The following ZNF548 variants were observed in gnomAD, a reference collection of about 807,000 sequenced individuals.
The protein encoded by ZNF548 is zinc finger protein 548.
ZNF548 carries 10 observed loss-of-function variants against 10.2 expected under a neutral mutation model. That is an observed-to-expected ratio of 0.98 (90% CI 0.60 to 1.66). The LOEUF (loss-of-function observed/expected upper bound fraction) is 1.66. ZNF548 is among the 40% of genes most tolerant of loss of function. The pLI, the probability that ZNF548 is intolerant of heterozygous loss-of-function variation, is 0.00. For synonymous variants in ZNF548, 217 were observed against 223.5 expected (o/e 0.97, Z 0.26); for missense variants, 599 against 657.0 (o/e 0.91, Z 0.97).
chr19:57,399,024 T>C lies in ZNF548; in HGVS notation c.773T>C (p.Val258Ala), dbSNP rs2088690270. The C allele has an allele frequency of 6.2e-7, 1 of 1,614,164 alleles. No individual in the cohort carries two copies. Among genetic ancestry groups the C allele is most frequent in the Middle Eastern group, 1.6e-4 (1 of 6,062 alleles). ...YSANFMKHQTVHTSERTYECR... is the reference protein window; with the variant it reads ...YSANFMKHQTAHTSERTYECR... ...GCCAATTTCATGAAACATCAGACAG[T>C]TCACACTAGTGAAAGGACTTATGAG... Residue 258 changes from valine to alanine, a missense_variant, in exon 4 of 4, where the codon GTT becomes GCT. Coordinates refer to ENST00000336128, the MANE Select transcript of ZNF548 (RefSeq NM_001172773.2). The surrounding 1 kb of genome is among the most constrained non-coding windows in gnomAD (Gnocchi z 4.0).
rs2088721673 is a variant in ZNF548, at chr19:57,402,060, A to G, written c.*2171A>G. ...TGTGCCTGGCTACATTTAGATCTTT[A>G]ATCTACTTGGGGTTCATTTTTGCAT... On this transcript the variant is annotated 3_prime_UTR_variant, in exon 4 of 4. Transcript: ENST00000336128. 6.6e-6 allele frequency: 1 copy of G among 152,080 alleles called. No homozygotes were observed. 9.4% of individuals were successfully genotyped at this position (152,080 alleles called of 1,614,324 possible).
At chr19:57,394,559 A>G (rs2088651965) in intron 2 of ZNF548, among the ~76,000 whole-genome samples, 1 of 152,182 alleles carries the variant, frequency 6.6e-6, no homozygotes, top group Non-Finnish European at 1.5e-5. Flanking sequence ...AGGCACACAA[A>G]CATCAGGCCT....
At chr19:57,396,606 A>G (rs2088666794) in intron 2 of ZNF548, among the ~76,000 whole-genome samples, 2 of 152,208 alleles carry the variant, frequency 1.3e-5, no homozygotes, top group South Asian at 4.1e-4. Flanking sequence ...GAAAGAAGAT[A>G]TTTATTCCTT....
chr19:57,390,388 G>A, intron 1 of ZNF548: 1 of 390,958 alleles, frequency 2.6e-6, no homozygotes, highest in Non-Finnish European at 4.6e-6. Context: ...GCTTGGAATG[G>A]CAACCTGAGC....
intron 1 of ZNF548, among the ~76,000 whole-genome samples, chr19:57,391,999 A>T (rs1275773520): frequency 6.7e-6 from 1 of 148,720 alleles, no homozygotes. Context: ...GGGTTTCACC[A>T]TGTTGGCCAG....
chr19:57,395,486 C>T lies in ZNF548; in HGVS notation c.51+1263C>T, dbSNP rs2088658411. 6.6e-6 allele frequency among the ~76,000 whole-genome samples: 1 copy of T among 152,070 alleles called. No individual in the cohort carries two copies. The highest frequency in any genetic ancestry group is 1.5e-5 in the Non-Finnish European group (1 of 68,020). ...TCTTCAGGCTTAACAGGAAGCATAA[C>T]TGGGAGGCCTCAGGAAACACAATCC... On this transcript the variant is annotated intron_variant, in intron 2 of 3. Coordinates refer to ENST00000336128, the MANE Select transcript of ZNF548 (RefSeq NM_001172773.2). The surrounding 1 kb of genome is among the most constrained non-coding windows in gnomAD (Gnocchi z 4.8).
chr19:57,398,582 C>T lies in ZNF548; in HGVS notation c.331C>T (p.Leu111=), dbSNP rs767440728. ...CGPPLKDILC[L]VEHNGIHPEQ... ...CCCACCCTTGAAAGACATTCTGTGC[C>T]TGGTTGAGCACAATGGAATTCATCC... Residue 111 remains leucine, a synonymous_variant, in exon 4 of 4, where the codon CTG becomes TTG. Coordinates refer to ENST00000336128, the MANE Select transcript of ZNF548 (RefSeq NM_001172773.2). 9.9e-6 allele frequency: 16 copies of T among 1,613,928 alleles called. No individual in the cohort carries two copies. In the African/African-American group the frequency reaches 2.1e-4, roughly 22 times the overall value.
Position 57,398,803 on chromosome 19 carries a change from G to A in ZNF548, c.552G>A (p.Gln184=). The A allele has an allele frequency of 6.2e-7, 1 of 1,614,002 alleles. No individual in the cohort carries two copies. Residue 184 remains glutamine, a synonymous_variant, in exon 4 of 4, where the codon CAG becomes CAA. Transcript: ENST00000336128. ...CCACCTCATGCCTTCTCCAGCACCA[G>A]GGCCCTCAAAGCGAGTGGAAGCCAT... ...LPATSCLLQH[Q]GPQSEWKPYR...
chr19:57,394,490 G>A (rs562502985), intron 2 of ZNF548, among the ~76,000 whole-genome samples: 7 of 152,314 alleles, frequency 4.6e-5, no homozygotes, highest in African/African-American at 1.7e-4. Flanking sequence ...AGGTTTTTAG[G>A]GAACTGCAAA....
In ZNF548 at chr19:57,389,893, C is replaced by G; in HGVS notation, c.-207C>G. On this transcript the variant is annotated 5_prime_UTR_variant, in exon 1 of 4. Transcript: ENST00000336128. ...CCTCCTGGTGGTGGTCGTTTTGGTT[C>G]TGTGTGGTGTTTCACCAACTTCGGC... The G allele has an allele frequency of 2.1e-5, 11 of 531,416 alleles. No individual in the cohort carries two copies. Among genetic ancestry groups the G allele is most frequent in the Non-Finnish European group, 9.8e-6 (3 of 306,866 alleles). 32.9% of individuals were successfully genotyped at this position (531,416 alleles called of 1,614,324 possible).
rs991624638 is a variant in ZNF548 at position 57,390,957 on chromosome 19, T to TTTTG, written c.15+856_15+859dup. 5.9e-5 allele frequency: 9 copies of TTTTG among 152,340 alleles called. No individual in the cohort carries two copies. The South Asian group carries it at 1.2e-3, about 21-fold the overall frequency. The allele number at this position is 152,340 out of a possible 1,614,324, so 9.4% of individuals were successfully genotyped here. On this transcript the variant is annotated intron_variant, in intron 1 of 3. Coordinates refer to ENST00000336128, the MANE Select transcript of ZNF548 (RefSeq NM_001172773.2). ...ATTGAGTAGGTCGGTCTCGGGTTTT[T>TTTTG]TTTGTTTGTTTGTTTGCATAAATTT...
rs780699822 is a variant in ZNF548 at position 57,398,752 on chromosome 19, C to T, written c.501C>T (p.Cys167=). 7.4e-6 allele frequency: 12 copies of T among 1,613,930 alleles called. No individual in the cohort carries two copies. The highest frequency in any genetic ancestry group is 8.5e-6 in the Non-Finnish European group (10 of 1,179,926). The change falls in exon 4 of 4, where the codon TGC becomes TGT. Residue 167 remains cysteine (C), a synonymous_variant. Coordinates refer to ENST00000336128, the MANE Select transcript of ZNF548 (RefSeq NM_001172773.2). ...ACATGGCAGAGGAGATCTTCACATG[C>T]ATGGAGGGCTGGAAGGACTTACCAG... ...RVHMAEEIFT[C]MEGWKDLPAT...
Position 57,398,021 on chromosome 19 carries a change from G to A in ZNF548, c.179-409G>A, listed in dbSNP as rs370582984. On this transcript the variant is annotated intron_variant, in intron 3 of 3. Coordinates refer to ENST00000336128, the MANE Select transcript of ZNF548 (RefSeq NM_001172773.2). ...GCTCCCTTTGAATGCCTGCCAACAC[G>A]TGGCCTGTATTTAACATGGTGTGAG... Among the ~76,000 whole-genome samples the A allele has an allele frequency of 2.9e-3, 444 of 152,258 alleles. 2 individuals are homozygous for A. Among genetic ancestry groups the A allele is most frequent in the African/African-American group, 9.9e-3 (412 of 41,534 alleles).
At position 57,390,054 on chromosome 19, in the gene ZNF548, G is replaced by A. The variant is rs75599624; in HGVS notation, c.-46G>A. 6.2e-7 allele frequency: 1 copy of A among 1,603,178 alleles called. No individual in the cohort carries two copies. The highest frequency in any genetic ancestry group is 1.7e-5 in the Admixed American group (1 of 59,668). On this transcript the variant is annotated 5_prime_UTR_variant, in exon 1 of 4. Transcript: ENST00000336128. Reference sequence around the variant, plus strand: ...GTGGCGTCCTTGTCTTGCCTTTGTCGCTCCCGCCCCGCTCTTCCCTGGCTG... The same window carrying A: ...GTGGCGTCCTTGTCTTGCCTTTGTCACTCCCGCCCCGCTCTTCCCTGGCTG...
intron 2 of ZNF548, among the ~76,000 whole-genome samples, chr19:57,394,519 G>C (rs759319135): frequency 6.6e-6 from 1 of 152,204 alleles, no homozygotes; most frequent in African/African-American, 2.4e-5. Context: ...ACATCTGGTA[G>C]GAATACGGAG....
rs1322330289 is a variant in ZNF548 at position 57,399,734 on chromosome 19, C to T, written c.1483C>T (p.Gln495Ter). ...AAGACCTTATGAGTGCAGCGAATGCCAGAAGGCCTTTATTAGAAAGTCTCA... is the reference window on the plus strand; with the variant it reads ...AAGACCTTATGAGTGCAGCGAATGCTAGAAGGCCTTTATTAGAAAGTCTCA... ...GERPYECSEC[Q>*]KAFIRKSHLV... The change falls in exon 4 of 4, where the codon CAG becomes TAG. Residue 495 changes from glutamine to a stop codon, truncating the protein, a stop_gained. Transcript: ENST00000336128. LOFTEE classifies it low-confidence loss of function (END_TRUNC). The surrounding 1 kb of genome is among the most constrained non-coding windows in gnomAD (Gnocchi z 4.0). 5.0e-6 allele frequency: 8 copies of T among 1,613,966 alleles called. No individual in the cohort carries two copies. In the African/African-American group the frequency reaches 9.3e-5, roughly 19 times the overall value.
Position 57,399,800 on chromosome 19 carries a change from G to A in ZNF548, c.1549G>A (p.Val517Met). ...HQKIHSEERL[V>M]CSMNVGNSLA... ...GAAAATCCACAGTGAAGAGAGGCTTGTGTGCTCCATGAATGTGGGGAATTC... is the reference window on the plus strand; with the variant it reads ...GAAAATCCACAGTGAAGAGAGGCTTATGTGCTCCATGAATGTGGGGAATTC... Residue 517 changes from valine (V) to methionine (M), a missense_variant, in exon 4 of 4, where the codon GTG becomes ATG. Coordinates refer to ENST00000336128, the MANE Select transcript of ZNF548 (RefSeq NM_001172773.2). The surrounding 1 kb of genome is among the most constrained non-coding windows in gnomAD (Gnocchi z 4.0). 1 of 1,613,824 alleles carries A rather than the reference G, an allele frequency of 6.2e-7. No homozygotes were observed. Among genetic ancestry groups the A allele is most frequent in the African/African-American group, 1.3e-5 (1 of 75,024 alleles).
In ZNF548 at chr19:57,393,079, G is replaced by T. The variant is rs950355122; in HGVS notation, c.16-1109G>T. 2.4e-5 allele frequency: 17 copies of T among 694,246 alleles called. No homozygotes were observed. The African/African-American group carries it at 3.3e-4, about 13-fold the overall frequency. 43.0% of individuals were successfully genotyped at this position (694,246 alleles called of 1,614,324 possible). ...GTTATTGAGGCTGGTGGAGTAGCTGGGTTCCAGATCAGAGCACTGCTTTTT... is the reference window on the plus strand; with the variant it reads ...GTTATTGAGGCTGGTGGAGTAGCTGTGTTCCAGATCAGAGCACTGCTTTTT... On this transcript the variant is annotated intron_variant, in intron 1 of 3. Coordinates refer to ENST00000336128, the MANE Select transcript of ZNF548 (RefSeq NM_001172773.2).
At chr19:57,392,846 G>T (rs1213090558) in intron 1 of ZNF548, 1 of 985,416 alleles carries the variant, frequency 1.0e-6, no homozygotes. Context: ...TTGGGGGCCA[G>T]ACCATTGGTG....
Sources: gnomAD v4.1 joint callset for allele counts (sites outside exome capture counted in the v4.1 genomes callset) on GRCh38, gnomAD v4.1.1 for gene constraint, Gnocchi (gnomAD v3.1) non-coding constraint, MANE v1.5 for transcripts, NCBI Gene and HGNC (gene_info 2026-07-23, HGNC 2026-07-21) for gene names.